The following COLEC12 variants were observed in gnomAD, a reference collection of about 807,000 sequenced individuals.
COLEC12 encodes the protein collectin subfamily member 12.
A neutral mutation model predicts 71.1 loss-of-function variants in COLEC12; 33 were observed. That is an observed-to-expected ratio of 0.46 (90% CI 0.35 to 0.62). COLEC12 has a LOEUF of 0.62. COLEC12 is among the 20% of genes least tolerant of loss of function. The pLI is 0.00. For synonymous variants in COLEC12, 350 were observed against 353.0 expected (o/e 0.99, Z 0.10); for missense variants, 765 against 916.1 (o/e 0.84, Z 2.13).
At chr18:377,284 GA>G (rs761881190) in intron 2 of COLEC12, among the ~76,000 whole-genome samples, 4 of 152,230 alleles carry the variant, frequency 2.6e-5, no homozygotes, top group Non-Finnish European at 4.4e-5. Flanking sequence ...CCAGATGGCA[GA>G]AGAGAAACCA....
intron 2 of COLEC12, among the ~76,000 whole-genome samples, chr18:415,624 T>TA (rs1915971981): frequency 6.6e-6 from 1 of 151,856 alleles, no homozygotes; most frequent in Non-Finnish European, 1.5e-5. Context: ...TTGTAAAAGT[T>TA]GCCCCTCTTG....
At chr18:393,586 A>T (rs375472352) in intron 2 of COLEC12, among the ~76,000 whole-genome samples, 1 of 152,124 alleles carries the variant, frequency 6.6e-6, no homozygotes, top group East Asian at 1.9e-4. Context: ...ATGCACTTTC[A>T]TGTTGCCCTG....
intron 2 of COLEC12, among the ~76,000 whole-genome samples, chr18:458,903 T>A (rs1441861110): frequency 6.6e-6 from 1 of 152,238 alleles, no homozygotes; most frequent in African/African-American, 2.4e-5. Flanking sequence ...GGCACGATCA[T>A]GGTTCATTGC....
At chr18:385,489 T>A (rs1250526579) in intron 2 of COLEC12, among the ~76,000 whole-genome samples, 1 of 152,014 alleles carries the variant, frequency 6.6e-6, no homozygotes, top group Non-Finnish European at 1.5e-5. Flanking sequence ...CACACCAAGC[T>A]AATTTTTGTA....
At chr18:377,928 C>T (rs1231398070) in intron 2 of COLEC12, among the ~76,000 whole-genome samples, 1 of 152,132 alleles carries the variant, frequency 6.6e-6, no homozygotes, top group Admixed American at 6.5e-5. Context: ...ACTCCTTCCC[C>T]ACTGAGAAAG....
intron 1 of COLEC12, among the ~76,000 whole-genome samples, chr18:486,509 C>T (rs753319432): frequency 6.6e-6 from 1 of 152,146 alleles, no homozygotes; most frequent in Non-Finnish European, 1.5e-5. Context: ...TTCTGTTTTA[C>T]AGATGAGAAA....
chr18:451,846 G>C (rs1916768385), intron 2 of COLEC12, among the ~76,000 whole-genome samples: 1 of 152,170 alleles, frequency 6.6e-6, no homozygotes. Flanking sequence ...TGGTAGAAAA[G>C]AAAAGACCAT....
chr18:494,542 C>T (rs986010886), intron 1 of COLEC12, among the ~76,000 whole-genome samples: 2 of 152,132 alleles, frequency 1.3e-5, no homozygotes, highest in African/African-American at 4.8e-5. Flanking sequence ...CCCAGGCTCT[C>T]TTGGTTTCAG....
chr18:366,944 C>G (rs1351007331), intron 2 of COLEC12, among the ~76,000 whole-genome samples: 1 of 152,200 alleles, frequency 6.6e-6, no homozygotes, highest in African/African-American at 2.4e-5. Flanking sequence ...CCACAGGGAG[C>G]CGCAGCCTCA....
At chr18:372,450 C>T (rs996309075) in intron 2 of COLEC12, among the ~76,000 whole-genome samples, 1 of 151,990 alleles carries the variant, frequency 6.6e-6, no homozygotes, top group Non-Finnish European at 1.5e-5. Context: ...CAGGGTCTTG[C>T]TCTGTCACCC....
rs1917404298 is a variant in COLEC12 at position 480,990 on chromosome 18, G to A, written c.8-233C>T. 1.3e-5 allele frequency among the ~76,000 whole-genome samples: 2 copies of A among 152,068 alleles called. No homozygotes were observed. Among genetic ancestry groups the A allele is most frequent in the Admixed American group, 6.5e-5 (1 of 15,270 alleles). ...GTGACTCCTTCGAATTCAGGTCTTA[G>A]CTAAAGTGCGACCCTTCGAGATGCC... is the stretch of plus-strand genomic sequence containing the variant. On this transcript the variant is annotated intron_variant, in intron 1 of 9. Coordinates refer to ENST00000400256, the MANE Select transcript of COLEC12 (RefSeq NM_130386.3). The surrounding 1 kb of genome is among the most constrained non-coding windows in gnomAD (Gnocchi z 4.1).
Position 331,753 on chromosome 18 carries a change from C to T in COLEC12, c.1978G>A (p.Gly660Arg). 6.2e-7 allele frequency: 1 copy of T among 1,613,752 alleles called. No homozygotes were observed. The highest frequency in any genetic ancestry group is 8.5e-7 in the Non-Finnish European group (1 of 1,179,612). ...EQQWIKKQMV[G>R]RESHWIGLTD... is the part of the protein sequence containing the mutation. ...AGGCCGATCCAGTGGCTCTCTCTCC[C>T]TACCATCTGTTTTTTTATCCATTGC... The change falls in exon 8 of 10, where the codon GGG becomes AGG. Residue 660 changes from glycine (G) to arginine (R), a missense_variant. Transcript: ENST00000400256.
At chr18:357,746 C>T (rs1440361498) in intron 2 of COLEC12, among the ~76,000 whole-genome samples, 4 of 152,226 alleles carry the variant, frequency 2.6e-5, no homozygotes, top group Admixed American at 2.0e-4. Context: ...AAAAATAGCA[C>T]ATAACTTTGT....
intron 2 of COLEC12, among the ~76,000 whole-genome samples, chr18:410,695 G>C (rs1415315931): frequency 1.3e-5 from 2 of 151,950 alleles, no homozygotes; most frequent in Non-Finnish European, 2.9e-5. Flanking sequence ...AAAGTGCTGG[G>C]ATTACAGGCG....
At chr18:379,792 A>G (rs1287148602) in intron 2 of COLEC12, among the ~76,000 whole-genome samples, 1 of 152,170 alleles carries the variant, frequency 6.6e-6, no homozygotes, top group African/African-American at 2.4e-5. Context: ...GGTCAGATGA[A>G]TAAGGGAGGA....
At chr18:348,944 G>A (rs986398521) in intron 3 of COLEC12, among the ~76,000 whole-genome samples, 2 of 152,188 alleles carry the variant, frequency 1.3e-5, no homozygotes, top group African/African-American at 4.8e-5. Flanking sequence ...GGAGGGACTT[G>A]GTGGGAGATA....
At chr18:452,475 A>C (rs896783412) in intron 2 of COLEC12, among the ~76,000 whole-genome samples, 1 of 152,212 alleles carries the variant, frequency 6.6e-6, no homozygotes, top group Non-Finnish European at 1.5e-5. Context: ...GATTCTTTTA[A>C]GGGCTTTGGT....
At chr18:484,135 C>CTTGT (rs202203639) in intron 1 of COLEC12, among the ~76,000 whole-genome samples, 147 of 152,340 alleles carry the variant, frequency 9.6e-4, no homozygotes, top group African/African-American at 3.0e-3. Context: ...CTACCATTAG[C>CTTGT]TTGTTTGTTT....
chr18:478,699 C>G (rs898412817), intron 2 of COLEC12, among the ~76,000 whole-genome samples: 8 of 152,198 alleles, frequency 5.3e-5, no homozygotes, highest in African/African-American at 1.9e-4. Flanking sequence ...TGCTGGATAT[C>G]CATCGCCTTG....
Sources: gnomAD v4.1 joint callset for allele counts (sites outside exome capture counted in the v4.1 genomes callset) on GRCh38, gnomAD v4.1.1 for gene constraint, Gnocchi (gnomAD v3.1) non-coding constraint, MANE v1.5 for transcripts, NCBI Gene and HGNC (gene_info 2026-07-23, HGNC 2026-07-21) for gene names.